ROBO2: variants seen among roughly 807,000 people sequenced by gnomAD.
ROBO2 encodes roundabout homolog 2.
In ROBO2, 53 loss-of-function variants were observed where a neutral mutation model predicts 160.8. The observed-to-expected ratio is 0.33, with a 90% CI of 0.26 to 0.41. The LOEUF (loss-of-function observed/expected upper bound fraction) is 0.41, where lower values mean the gene tolerates loss of function less well. ROBO2 is among the 10% of genes least tolerant of loss of function. The probability of loss-of-function intolerance (pLI) is 1.00; values close to 1 mark genes in which losing one functional copy is unlikely to be tolerated. For synonymous variants in ROBO2, 664 were observed against 611.7 expected, an observed-to-expected ratio of 1.09 and a Z score of -1.26; for missense variants, 1,577 against 1,722.4, an observed-to-expected ratio of 0.92 and a Z score of 1.49.
chr3:76,522,915 T>C (rs2081712810), intron 2 of ROBO2, among the ~76,000 whole-genome samples: 2 of 151,188 alleles, frequency 1.3e-5, no homozygotes, highest in South Asian at 4.2e-4. Flanking sequence ...GATTTGTATA[T>C]ACAGAGATAG....
intron 1 of ROBO2, among the ~76,000 whole-genome samples, chr3:75,930,116 T>G (rs1947472266): frequency 1.3e-5 from 2 of 152,236 alleles, no homozygotes; most frequent in Admixed American, 1.3e-4. Flanking sequence ...GTTCCCCATT[T>G]TTTGACATCT....
In ROBO2 at chr3:77,141,684, T is replaced by A. The variant is rs570148067; in HGVS notation, c.388+43344T>A. Reference sequence around the variant, plus strand: ...TAGCAGTGACCTTTCTGGATGTAATTCTGGGAGGAAGATTAAAAAGCAGTC... The same window carrying A: ...TAGCAGTGACCTTTCTGGATGTAATACTGGGAGGAAGATTAAAAAGCAGTC... On this transcript the variant is annotated intron_variant, in intron 2 of 25. Transcript: ENST00000461745. Among the ~76,000 whole-genome samples the A allele has an allele frequency of 5.9e-5, 9 of 152,312 alleles. No homozygotes were observed. In the South Asian group the frequency reaches 1.4e-3, roughly 25 times the overall value.
chr3:76,331,177 A>G (rs1263564552), intron 2 of ROBO2, among the ~76,000 whole-genome samples: 3 of 152,194 alleles, frequency 2.0e-5, no homozygotes, highest in African/African-American at 7.2e-5. Flanking sequence ...AAGTTTTCTA[A>G]GATTAAAGTT....
intron 2 of ROBO2, among the ~76,000 whole-genome samples, chr3:76,558,007 A>AC (rs397875471): frequency 1.5e-5 from 1 of 68,834 alleles, no homozygotes; most frequent in African/African-American, 4.1e-5. Flanking sequence ...AATTTCTGTT[A>AC]GAGTTGATAA....
chr3:77,445,273 A>C (rs2080353617), intron 2 of ROBO2, among the ~76,000 whole-genome samples: 1 of 152,138 alleles, frequency 6.6e-6, no homozygotes, highest in African/African-American at 2.4e-5. Flanking sequence ...AAAAATATGA[A>C]ATTAAAATTA....
intron 24 of ROBO2, among the ~76,000 whole-genome samples, chr3:77,637,016 C>T (rs1372865236): frequency 6.6e-6 from 1 of 152,122 alleles, no homozygotes; most frequent in African/African-American, 2.4e-5. Flanking sequence ...GCACTGTACC[C>T]TATAAGCACA....
intron 2 of ROBO2, among the ~76,000 whole-genome samples, chr3:76,830,184 G>A (rs1304065187): frequency 2.0e-5 from 3 of 152,176 alleles, no homozygotes; most frequent in Admixed American, 2.0e-4. Flanking sequence ...CTCCATGCAT[G>A]CTATTCTTTC....
intron 2 of ROBO2, among the ~76,000 whole-genome samples, chr3:77,420,679 T>C (rs2077635290): frequency 6.6e-6 from 1 of 152,164 alleles, no homozygotes. Flanking sequence ...GATATTCATA[T>C]AGAAAATGTG....
intron 1 of ROBO2, among the ~76,000 whole-genome samples, chr3:77,077,053 T>A (rs1031500920): frequency 6.6e-6 from 1 of 152,166 alleles, no homozygotes; most frequent in Admixed American, 6.5e-5. Context: ...AATGATGACA[T>A]ACAGCACGTG....
At chr3:76,596,694 A>G (rs1176798845) in intron 2 of ROBO2, among the ~76,000 whole-genome samples, 2 of 152,024 alleles carry the variant, frequency 1.3e-5, no homozygotes, top group Admixed American at 1.3e-4. Flanking sequence ...TTAATTGCAG[A>G]GGTCTGATGT....
At chr3:76,106,897 T>A (rs1389400543) in intron 2 of ROBO2, among the ~76,000 whole-genome samples, 1 of 152,132 alleles carries the variant, frequency 6.6e-6, no homozygotes, top group Non-Finnish European at 1.5e-5. Context: ...CCACAAGGGG[T>A]ACTCTTGATG....
chr3:77,321,135 T>C (rs1405070456), intron 2 of ROBO2, among the ~76,000 whole-genome samples: 1 of 152,206 alleles, frequency 6.6e-6, no homozygotes, highest in East Asian at 1.9e-4. Context: ...TTTCTATCTG[T>C]CCATAATTTA....
intron 2 of ROBO2, among the ~76,000 whole-genome samples, chr3:77,415,328 G>T (rs1338044469): frequency 6.6e-6 from 1 of 152,154 alleles, no homozygotes; most frequent in Non-Finnish European, 1.5e-5. Context: ...TAAGGGGTAT[G>T]AATATTTTTC....
chr3:76,841,486 C>T (rs1214695356), intron 2 of ROBO2, among the ~76,000 whole-genome samples: 3 of 152,164 alleles, frequency 2.0e-5, no homozygotes, highest in Non-Finnish European at 4.4e-5. Context: ...TGGATGAGGG[C>T]TGGTACATTG....
At chr3:76,265,277 C>T (rs765045135) in intron 2 of ROBO2, among the ~76,000 whole-genome samples, 4 of 152,114 alleles carry the variant, frequency 2.6e-5, no homozygotes, top group Admixed American at 6.6e-5. Context: ...CACTCATCTT[C>T]GTCTAGGTGT....
At chr3:76,517,596 A>T (rs970772276) in intron 2 of ROBO2, among the ~76,000 whole-genome samples, 3 of 152,230 alleles carry the variant, frequency 2.0e-5, no homozygotes, top group African/African-American at 7.2e-5. Flanking sequence ...GATGTTTATC[A>T]TGCCTAAGTA....
chr3:76,276,997 C>T (rs1707962076), intron 2 of ROBO2, among the ~76,000 whole-genome samples: 1 of 151,906 alleles, frequency 6.6e-6, no homozygotes, highest in Admixed American at 6.6e-5. Flanking sequence ...CTGAATTTAA[C>T]TTTATACAAT....
At chr3:77,558,270 G>C in intron 9 of ROBO2, 121 bp downstream of exon 10, 1 of 799,724 alleles carries the variant, frequency 1.3e-6, no homozygotes, top group Non-Finnish European at 2.1e-6. Flanking sequence ...TTTAAAAACA[G>C]TTAATGTTAT....
intron 2 of ROBO2, among the ~76,000 whole-genome samples, chr3:76,595,499 A>C (rs183237181): frequency 6.6e-6 from 1 of 152,182 alleles, no homozygotes; most frequent in Admixed American, 6.5e-5. Flanking sequence ...AAGAATGATA[A>C]AAAACAGACT....
Sources: allele counts gnomAD v4.1 joint callset (sites outside exome capture counted in the v4.1 genomes callset), GRCh38; gene constraint gnomAD v4.1.1; transcripts MANE v1.5; gene names NCBI Gene and HGNC (gene_info 2026-07-23, HGNC 2026-07-21).